Variants in RGS9 observed in about 807,000 individuals in gnomAD.
RGS9 encodes the protein regulator of G-protein signalling 9.
In RGS9, 78 loss-of-function variants were observed where a neutral mutation model predicts 102.0. That is an observed-to-expected ratio of 0.76 (90% confidence interval 0.64 to 0.92). The LOEUF (loss-of-function observed/expected upper bound fraction) is 0.92, where lower values mean the gene tolerates loss of function less well. Among genes scored for constraint, RGS9 ranks in the 40% least tolerant of loss-of-function variants. RGS9 has a pLI of 0.00. For missense variants in RGS9, 833 were observed against 866.1 expected (o/e 0.96, Z 0.48); for synonymous variants, 353 against 318.6 (o/e 1.11, Z -1.15).
At chr17:65,208,848 C>T (rs1326474537) in intron 16 of RGS9, among the ~76,000 whole-genome samples, 1 of 151,930 alleles carries the variant, frequency 6.6e-6, no homozygotes, top group African/African-American at 2.4e-5. Flanking sequence ...GGAGAAAAAA[C>T]AACAACAACA....
intron 1 of RGS9, among the ~76,000 whole-genome samples, chr17:65,139,890 C>A (rs1004424572): frequency 2.6e-5 from 4 of 152,194 alleles, no homozygotes; most frequent in Non-Finnish European, 2.9e-5. Flanking sequence ...CCATGCCAGG[C>A]GATCCTTAAT....
chr17:65,184,659 CT>C (rs1282842481), intron 9 of RGS9, among the ~76,000 whole-genome samples: 4 of 152,208 alleles, frequency 2.6e-5, no homozygotes, highest in South Asian at 2.1e-4. Flanking sequence ...GCTTCTATTT[CT>C]TTTTTTCCTT....
At chr17:65,203,925 G>C (rs1469425961) in intron 14 of RGS9, among the ~76,000 whole-genome samples, 2 of 152,164 alleles carry the variant, frequency 1.3e-5, no homozygotes, top group African/African-American at 4.8e-5. Flanking sequence ...CTCTCTCCTG[G>C]AGGTTGGAAA....
chr17:65,193,555 C>T lies in RGS9; in HGVS notation c.759C>T (p.Tyr253=). 6.2e-7 allele frequency: 1 copy of T among 1,609,952 alleles called. No individual in the cohort carries two copies. The highest frequency in any genetic ancestry group is 1.3e-5 in the African/African-American group (1 of 74,964). Residue 253 remains tyrosine, a synonymous_variant, in exon 12 of 19, where the codon TAC becomes TAT. Transcript: ENST00000262406. ...SSVSLGGIVK[Y]SEQFSSNDAI... ...GTTTCCTTTTCAGGATTGTGAAATA[C>T]AGTGAGCAGTTCTCATCCAACGATG...
chr17:65,216,378 G>A (rs1048843432), intron 17 of RGS9, among the ~76,000 whole-genome samples: 4 of 152,128 alleles, frequency 2.6e-5, no homozygotes, highest in African/African-American at 9.7e-5. Flanking sequence ...AGTGGCTCAC[G>A]CCTGTAATCC....
At chr17:65,195,233 G>C (rs1004048142) in intron 12 of RGS9, among the ~76,000 whole-genome samples, 1 of 152,098 alleles carries the variant, frequency 6.6e-6, no homozygotes, top group Non-Finnish European at 1.5e-5. Context: ...GGTTGTCCTA[G>C]GAGGGCTTGG....
intron 8 of RGS9, among the ~76,000 whole-genome samples, chr17:65,177,054 TG>T (rs1911659067): frequency 4.4e-5 from 4 of 90,606 alleles, no homozygotes; most frequent in Non-Finnish European, 6.1e-5. Flanking sequence ...TTCATTTGTT[TG>T]TCCATCCATC....
chr17:65,160,282 C>G lies in RGS9; in HGVS notation c.255C>G (p.Pro85=), dbSNP rs61739547. 4.3e-3 allele frequency: 7,000 copies of G among 1,614,152 alleles called. 240 individuals carry two copies. In the African/African-American group the frequency reaches 0.079, roughly 18 times the overall value. The change falls in exon 4 of 19, where the codon CCC becomes CCG. Residue 85 remains proline, a synonymous_variant. Transcript: ENST00000262406. Reference sequence around the variant, plus strand: ...TTGTCAGGTATGGCTACATTTACCCCCTGCAAGACCCCAAGAATCTCATTC... The same window carrying G: ...TTGTCAGGTATGGCTACATTTACCCGCTGCAAGACCCCAAGAATCTCATTC... ...NFIVRYGYIY[P]LQDPKNLILK... is the part of the protein sequence containing the mutation.
At chr17:65,203,129 C>T (rs1373192870) in intron 14 of RGS9, among the ~76,000 whole-genome samples, 1 of 152,220 alleles carries the variant, frequency 6.6e-6, no homozygotes, top group Non-Finnish European at 1.5e-5. Flanking sequence ...CAGATTGCAA[C>T]ACCCCGGTTT....
At chr17:65,160,111 C>T in intron 3 of RGS9, 122 bp from the exon 4 acceptor site, 2 of 803,060 alleles carry the variant, frequency 2.5e-6, no homozygotes, top group South Asian at 2.7e-5. Context: ...CCTCACTGCT[C>T]ATGAGATGCA....
At chr17:65,169,374 G>A (rs137984280) in intron 8 of RGS9, among the ~76,000 whole-genome samples, 51 of 152,284 alleles carry the variant, frequency 3.3e-4, no homozygotes, top group African/African-American at 1.1e-3. Flanking sequence ...GATGCCTGAC[G>A]CAGGTATCTG....
intron 13 of RGS9, among the ~76,000 whole-genome samples, chr17:65,199,016 A>G (rs146486991): frequency 0.011 from 1,680 of 152,306 alleles, 14 homozygotes; most frequent in Non-Finnish European, 0.019. Context: ...GTGAGAATCC[A>G]GCGAAAAGAT....
intron 8 of RGS9, among the ~76,000 whole-genome samples, chr17:65,177,046 CATTT>C (rs1911658143): frequency 7.0e-6 from 1 of 143,220 alleles, no homozygotes; most frequent in Non-Finnish European, 1.5e-5. Context: ...GGATGCCATT[CATTT>C]GTTTGTCCAT....
At position 65,176,912 on chromosome 17, in the gene RGS9, A is replaced by T. The variant is rs185491506; in HGVS notation, c.583-820A>T. 1.9e-3 allele frequency among the ~76,000 whole-genome samples: 277 copies of T among 148,694 alleles called. 1 individual carries two copies. Among genetic ancestry groups the T allele is most frequent in the Middle Eastern group, 3.6e-3 (1 of 276 alleles). On this transcript the variant is annotated intron_variant, in intron 8 of 18. Coordinates refer to ENST00000262406, the MANE Select transcript of RGS9 (RefSeq NM_003835.4). ...CATCCATCCATCCATCCATCCATCC[A>T]TCTCTTCACCCATCCACTCACCATC...
chr17:65,162,581 G>A (rs74679488), intron 6 of RGS9, among the ~76,000 whole-genome samples: 2 of 151,752 alleles, frequency 1.3e-5, no homozygotes, highest in Non-Finnish European at 2.9e-5. Flanking sequence ...TCCTGCCTCA[G>A]CCTCCCGAGT....
rs200135559 is a variant in RGS9, at chr17:65,209,369, TCTC to T, written c.1290-1116_1290-1114del. Among the ~76,000 whole-genome samples the T allele has an allele frequency of 4.7e-3, 710 of 152,310 alleles. 5 individuals carry two copies. The highest frequency in any genetic ancestry group is 0.024 in the East Asian group (124 of 5,184). ...TACATCCTGGTAGGGGAGCCCTTCTTCTCCTTAAGATAGATATAAGAGTTCAAG... is the reference window on the plus strand; with the variant it reads ...TACATCCTGGTAGGGGAGCCCTTCTTCTTAAGATAGATATAAGAGTTCAAG... On this transcript the variant is annotated intron_variant, in intron 16 of 18. Transcript: ENST00000262406.
At chr17:65,227,174 C>A in intron 18 of RGS9, 101 bp from the exon 19 acceptor site, 1 of 1,540,664 alleles carries the variant, frequency 6.5e-7, no homozygotes, top group Admixed American at 1.7e-5. Flanking sequence ...TTGGCAAATG[C>A]ACCTGGTATG....
chr17:65,160,513 G>A, intron 4 of RGS9, 23 bp from the exon 5 acceptor site: 1 of 1,614,144 alleles, frequency 6.2e-7, no homozygotes, highest in Non-Finnish European at 8.5e-7. Flanking sequence ...TTTAAAGCGT[G>A]GTTTCCCTGG....
At chr17:65,216,359 G>T (rs1431769017) in intron 17 of RGS9, among the ~76,000 whole-genome samples, 3 of 152,196 alleles carry the variant, frequency 2.0e-5, no homozygotes, top group Non-Finnish European at 4.4e-5. Flanking sequence ...ACTGTGTCTG[G>T]TTGGGTGCAG....
Sources: gnomAD v4.1 joint callset for allele counts (sites outside exome capture counted in the v4.1 genomes callset) on GRCh38, gnomAD v4.1.1 for gene constraint, MANE v1.5 for transcripts, NCBI Gene and HGNC (gene_info 2026-07-23, HGNC 2026-07-21) for gene names.